The following KIAA1328 variants were observed in gnomAD, a reference collection of about 807,000 sequenced individuals.
KIAA1328 encodes the protein protein hinderin.
In KIAA1328, 52 loss-of-function variants were observed where a neutral mutation model predicts 68.1. The ratio of observed to expected loss-of-function variants is 0.76; its 90% CI spans 0.61 to 0.96. The LOEUF (loss-of-function observed/expected upper bound fraction) is 0.96. Among genes scored for constraint, KIAA1328 ranks in the 40% least tolerant of loss-of-function variants. The pLI, the probability that KIAA1328 is intolerant of heterozygous loss-of-function variation, is 0.00. For synonymous variants in KIAA1328, 232 were observed against 239.4 expected (o/e 0.97, Z 0.28); for missense variants, 641 against 677.6 (o/e 0.95, Z 0.60).
intron 6 of KIAA1328, among the ~76,000 whole-genome samples, chr18:36,990,589 T>C (rs1015194388): frequency 6.6e-6 from 1 of 151,948 alleles, no homozygotes; most frequent in African/African-American, 2.4e-5. Flanking sequence ...GAGAATTGCT[T>C]GAACCCAGGA....
At chr18:36,921,640 G>A (rs553056557) in intron 5 of KIAA1328, among the ~76,000 whole-genome samples, 3 of 152,214 alleles carry the variant, frequency 2.0e-5, no homozygotes, top group South Asian at 4.1e-4. Flanking sequence ...ACCTGACCTC[G>A]TGATCCACCC....
At chr18:36,914,568 A>T (rs2049604673) in intron 5 of KIAA1328, among the ~76,000 whole-genome samples, 1 of 151,970 alleles carries the variant, frequency 6.6e-6, no homozygotes, top group Non-Finnish European at 1.5e-5. Flanking sequence ...AAAAATACAA[A>T]CATTAGCCAG....
chr18:36,883,895 G>A (rs559031510), intron 4 of KIAA1328, among the ~76,000 whole-genome samples: 50 of 146,400 alleles, frequency 3.4e-4, no homozygotes, highest in African/African-American at 1.0e-3. Context: ...GTCTTGTTCC[G>A]TGACCAAATG....
chr18:37,076,799 C>A (rs894675593), intron 7 of KIAA1328, among the ~76,000 whole-genome samples: 9 of 152,042 alleles, frequency 5.9e-5, no homozygotes, highest in Non-Finnish European at 2.9e-5. Flanking sequence ...AGTTGAATCT[C>A]TGAATAGACC....
intron 6 of KIAA1328, among the ~76,000 whole-genome samples, chr18:36,963,428 A>G (rs1048997077): frequency 6.6e-6 from 1 of 152,230 alleles, no homozygotes; most frequent in African/African-American, 2.4e-5. Context: ...TACCAGTATT[A>G]ATAGTCTTAT....
chr18:37,076,342 A>C (rs1263107112), intron 7 of KIAA1328, among the ~76,000 whole-genome samples: 7 of 152,140 alleles, frequency 4.6e-5, no homozygotes, highest in Non-Finnish European at 1.0e-4. Flanking sequence ...CAGTGTGTAG[A>C]GGGAAATTTA....
intron 9 of KIAA1328, among the ~76,000 whole-genome samples, chr18:37,207,065 G>A (rs2060229564): frequency 6.6e-6 from 1 of 152,150 alleles, no homozygotes; most frequent in African/African-American, 2.4e-5. Context: ...CAAAAAGGTA[G>A]AAAAAGAAAG....
intron 6 of KIAA1328, among the ~76,000 whole-genome samples, chr18:37,010,806 C>A (rs1006995092): frequency 6.6e-6 from 1 of 152,124 alleles, no homozygotes; most frequent in Non-Finnish European, 1.5e-5. Context: ...TTATACCACA[C>A]TGTGACTTAG....
At chr18:36,909,622 TG>T (rs2151064628) in intron 5 of KIAA1328, among the ~76,000 whole-genome samples, 1 of 152,350 alleles carries the variant, frequency 6.6e-6, no homozygotes, top group African/African-American at 2.4e-5. Context: ...TATAGCAGCA[TG>T]ATTTATAATC....
At chr18:37,163,059 T>A (rs2059315102) in intron 8 of KIAA1328, among the ~76,000 whole-genome samples, 1 of 152,170 alleles carries the variant, frequency 6.6e-6, no homozygotes, top group African/African-American at 2.4e-5. Context: ...TAAACTTGAG[T>A]AAGAACTTTT....
intron 7 of KIAA1328, among the ~76,000 whole-genome samples, chr18:37,081,573 G>T (rs568103468): frequency 2.0e-5 from 3 of 152,026 alleles, no homozygotes; most frequent in Non-Finnish European, 2.9e-5. Context: ...TGCTTTTATT[G>T]TGCCACTTCT....
chr18:36,922,113 A>C (rs926479119), intron 5 of KIAA1328, among the ~76,000 whole-genome samples: 1 of 151,008 alleles, frequency 6.6e-6, no homozygotes, highest in Admixed American at 6.6e-5. Context: ...AAGTCATGGC[A>C]CTCCCTTTTA....
intron 5 of KIAA1328, among the ~76,000 whole-genome samples, chr18:36,894,139 C>A (rs956378208): frequency 1.3e-5 from 2 of 152,072 alleles, no homozygotes; most frequent in Non-Finnish European, 2.9e-5. Flanking sequence ...AAGTGTTCTG[C>A]TTTTTTCACT....
chr18:36,862,755 C>T (rs2047606836), intron 4 of KIAA1328, among the ~76,000 whole-genome samples: 1 of 152,052 alleles, frequency 6.6e-6, no homozygotes, highest in South Asian at 2.1e-4. Flanking sequence ...AACTATTTTC[C>T]AGAATTTTTG....
chr18:37,055,028 G>A (rs939733968), intron 6 of KIAA1328, among the ~76,000 whole-genome samples: 1 of 152,058 alleles, frequency 6.6e-6, no homozygotes, highest in African/African-American at 2.4e-5. Context: ...CTCAGATTCA[G>A]TATTCCTAAA....
intron 3 of KIAA1328, among the ~76,000 whole-genome samples, chr18:36,836,541 T>C (rs890431514): frequency 6.6e-6 from 1 of 152,174 alleles, no homozygotes; most frequent in Non-Finnish European, 1.5e-5. Context: ...TTTTTTGATA[T>C]TGTTGTCATA....
rs141051093 is a variant in KIAA1328, at chr18:37,222,415, C to T, written c.*188C>T. Reference sequence around the variant, plus strand: ...GTTATTTTCAATCAGACCAGGCATTCGATAACACACTAAGGGGGTAGGAAT... The same window carrying T: ...GTTATTTTCAATCAGACCAGGCATTTGATAACACACTAAGGGGGTAGGAAT... On this transcript the variant is annotated 3_prime_UTR_variant, in exon 10 of 10. Coordinates refer to ENST00000280020, the MANE Select transcript of KIAA1328 (RefSeq NM_020776.3). 4.6e-4 allele frequency: 659 copies of T among 1,425,702 alleles called. 1 individual carries two copies. The highest frequency in any genetic ancestry group is 5.6e-4 in the Non-Finnish European group (614 of 1,095,824). 88.3% of individuals were successfully genotyped at this position (1,425,702 alleles called of 1,614,324 possible).
At chr18:37,006,159 T>C (rs2053774083) in intron 6 of KIAA1328, among the ~76,000 whole-genome samples, 1 of 152,062 alleles carries the variant, frequency 6.6e-6, no homozygotes, top group Non-Finnish European at 1.5e-5. Flanking sequence ...TGCCATAAAT[T>C]TGTACAAATT....
chr18:37,023,060 T>TC (rs1311796714), intron 6 of KIAA1328, among the ~76,000 whole-genome samples: 103 of 152,346 alleles, frequency 6.8e-4, no homozygotes, highest in African/African-American at 2.5e-3. Context: ...AGACAGGGTC[T>TC]CACTCTGTGG....
Sources: gnomAD v4.1 joint callset for allele counts (sites outside exome capture counted in the v4.1 genomes callset) on GRCh38, gnomAD v4.1.1 for gene constraint, MANE v1.5 for transcripts, NCBI Gene and HGNC (gene_info 2026-07-23, HGNC 2026-07-21) for gene names.